Variants in CERS6 observed in about 807,000 individuals in gnomAD.
The protein encoded by CERS6 is ceramide synthase 6.
Under a neutral mutation model 56.8 loss-of-function variants are expected in CERS6, and 26 were observed. The ratio of observed to expected loss-of-function variants is 0.46; its 90% confidence interval spans 0.34 to 0.63. The LOEUF is 0.63. Among genes scored for constraint, CERS6 ranks in the 30% least tolerant of loss-of-function variants. The pLI, the probability that CERS6 is intolerant of heterozygous loss-of-function variation, is 0.01. For synonymous variants in CERS6, 164 were observed against 173.3 expected, an observed-to-expected ratio of 0.95 and a Z score of 0.42; for missense variants, 415 against 467.5, an observed-to-expected ratio of 0.89 and a Z score of 1.04.
chr2:168,561,426 C>T (rs1208624358), intron 3 of CERS6, 104 bp downstream of exon 3: 12 of 1,300,878 alleles, frequency 9.2e-6, no homozygotes, highest in Non-Finnish European at 1.3e-5. Context: ...CCTTAAAAAG[C>T]TGCAATCTGG....
chr2:168,583,904 A>G (rs1350356129), intron 3 of CERS6, among the ~76,000 whole-genome samples: 1 of 152,172 alleles, frequency 6.6e-6, no homozygotes, highest in Non-Finnish European at 1.5e-5. Context: ...TTTTGCCATC[A>G]TGACCTGGCC....
intron 4 of CERS6, among the ~76,000 whole-genome samples, chr2:168,675,789 C>T (rs1019499002): frequency 3.6e-4 from 54 of 151,742 alleles, no homozygotes; most frequent in African/African-American, 1.2e-3. Context: ...CGGGTTCAAG[C>T]GGTTCTCTTG....
At chr2:168,482,412 A>G (rs1422149100) in intron 1 of CERS6, among the ~76,000 whole-genome samples, 3 of 152,230 alleles carry the variant, frequency 2.0e-5, no homozygotes, top group South Asian at 4.1e-4. Context: ...AAGCTAAAGT[A>G]ACCTCTCACC....
rs1684859306 is a variant in CERS6, at chr2:168,771,463, C to T, written c.*1801C>T. 3.3e-5 allele frequency: 5 copies of T among 152,076 alleles called. No homozygotes were observed. Among genetic ancestry groups the T allele is most frequent in the South Asian group, 2.1e-4 (1 of 4,822 alleles). The allele number at this position is 152,076 out of a possible 1,614,324, so 9.4% of individuals were successfully genotyped here. On this transcript the variant is annotated 3_prime_UTR_variant, in exon 10 of 10. Coordinates refer to ENST00000305747, the MANE Select transcript of CERS6 (RefSeq NM_203463.3). ...GATGCAAATAATTCTGCTTTTAGAGCCTTGTTATTTTATTTCACAAAACAG... is the reference window on the plus strand; with the variant it reads ...GATGCAAATAATTCTGCTTTTAGAGTCTTGTTATTTTATTTCACAAAACAG...
chr2:168,538,241 CA>C (rs59857969), intron 1 of CERS6, among the ~76,000 whole-genome samples: 26,945 of 98,812 alleles, frequency 0.27, 2,304 homozygotes, highest in Middle Eastern at 0.36. Context: ...GTGTAAAAAC[CA>C]AAAAAAAAAA....
chr2:168,491,903 A>C (rs1444592509), intron 1 of CERS6, among the ~76,000 whole-genome samples: 1 of 152,208 alleles, frequency 6.6e-6, no homozygotes, highest in Admixed American at 6.5e-5. Flanking sequence ...GTTTGCTGAC[A>C]ATAATGGTTT....
intron 1 of CERS6, among the ~76,000 whole-genome samples, chr2:168,518,287 T>C (rs1193947551): frequency 6.6e-6 from 1 of 152,214 alleles, no homozygotes; most frequent in Non-Finnish European, 1.5e-5. Context: ...GGGGAATACT[T>C]TTTTATTCCT....
intron 2 of CERS6, among the ~76,000 whole-genome samples, chr2:168,556,999 A>G (rs1284067515): frequency 7.5e-5 from 9 of 119,990 alleles, no homozygotes; most frequent in African/African-American, 3.8e-4. Flanking sequence ...TACAAAAAAA[A>G]AAAAAAAAAA....
chr2:168,505,254 C>T (rs556119690), intron 1 of CERS6, among the ~76,000 whole-genome samples: 17 of 151,668 alleles, frequency 1.1e-4, no homozygotes, highest in African/African-American at 4.1e-4. Flanking sequence ...TAGTGGCATG[C>T]ATCTGTAGTC....
At chr2:168,649,974 A>G (rs572727650) in intron 4 of CERS6, among the ~76,000 whole-genome samples, 53 of 152,322 alleles carry the variant, frequency 3.5e-4, no homozygotes, top group Non-Finnish European at 6.3e-4. Context: ...TAGGAGGTAT[A>G]TGATATTAAA....
At chr2:168,644,421 G>T (rs1685124102) in intron 4 of CERS6, 1 of 905,516 alleles carries the variant, frequency 1.1e-6, no homozygotes, top group Non-Finnish European at 1.3e-6. Context: ...ATGAACAAAG[G>T]TGGGGTCAAG....
intron 4 of CERS6, among the ~76,000 whole-genome samples, chr2:168,640,237 C>T (rs915332169): frequency 6.6e-6 from 1 of 152,240 alleles, no homozygotes; most frequent in African/African-American, 2.4e-5. Flanking sequence ...CCCTTAGGAC[C>T]GTGTACTTTA....
At chr2:168,726,756 GT>G (rs1683365671) in intron 8 of CERS6, among the ~76,000 whole-genome samples, 1 of 152,138 alleles carries the variant, frequency 6.6e-6, no homozygotes, top group African/African-American at 2.4e-5. Flanking sequence ...AAAATGTGCT[GT>G]TATTGTTAAA....
chr2:168,641,184 G>A (rs985522839), intron 4 of CERS6, among the ~76,000 whole-genome samples: 1 of 151,958 alleles, frequency 6.6e-6, no homozygotes, highest in Non-Finnish European at 1.5e-5. Context: ...CTTCCCAGCC[G>A]CCCCATTTCA....
At chr2:168,604,696 T>C (rs1445099212) in intron 3 of CERS6, among the ~76,000 whole-genome samples, 2 of 151,064 alleles carry the variant, frequency 1.3e-5, no homozygotes, top group African/African-American at 4.9e-5. Flanking sequence ...GCACCTCCCC[T>C]CTCTCTCTCT....
intron 1 of CERS6, among the ~76,000 whole-genome samples, chr2:168,510,745 T>C (rs1241983676): frequency 1.3e-5 from 2 of 152,244 alleles, no homozygotes; most frequent in African/African-American, 2.4e-5. Flanking sequence ...TTCTGCACCA[T>C]TATCATTACT....
intron 8 of CERS6, among the ~76,000 whole-genome samples, chr2:168,765,226 T>C (rs960058686): frequency 2.0e-5 from 3 of 152,080 alleles, no homozygotes; most frequent in African/African-American, 7.3e-5. Context: ...TTTTGAAAGA[T>C]GAAAAGTGTG....
At chr2:168,699,015 G>A (rs1559057467) in intron 6 of CERS6, among the ~76,000 whole-genome samples, 1 of 152,168 alleles carries the variant, frequency 6.6e-6, no homozygotes, top group Non-Finnish European at 1.5e-5. Flanking sequence ...TACCAGGCAT[G>A]CTTACTCCTT....
In CERS6 at chr2:168,773,784, T is replaced by A. The variant is rs963716027; in HGVS notation, c.*4122T>A. On this transcript the variant is annotated 3_prime_UTR_variant, in exon 10 of 10. Transcript: ENST00000305747. ...GTACCCCGTAGTGATGAGCACTGAC[T>A]GGTTCACTGGCCACATTTTAGTTCT... 5 of 152,360 alleles carry A rather than the reference T, an allele frequency of 3.3e-5. No individual in the cohort carries two copies. The highest frequency in any genetic ancestry group is 4.4e-5 in the Non-Finnish European group (3 of 68,054). 9.4% of individuals were successfully genotyped at this position (152,360 alleles called of 1,614,324 possible).
Sources: gnomAD v4.1 joint callset for allele counts (sites outside exome capture counted in the v4.1 genomes callset) on GRCh38, gnomAD v4.1.1 for gene constraint, MANE v1.5 for transcripts, NCBI Gene and HGNC (gene_info 2026-07-23, HGNC 2026-07-21) for gene names.